The following EZH2 variants were observed in gnomAD, a reference collection of about 807,000 sequenced individuals.
The protein encoded by EZH2 is histone-lysine N-methyltransferase EZH2.
In EZH2, 18 loss-of-function variants were observed where a neutral mutation model predicts 98.4. That is an observed-to-expected ratio of 0.18 (90% confidence interval 0.13 to 0.27). The LOEUF (loss-of-function observed/expected upper bound fraction) is 0.27, where lower values mean the gene tolerates loss of function less well. Ranked by LOEUF, EZH2 falls within the 10% of genes least tolerant of loss-of-function variation. The probability of loss-of-function intolerance (pLI) is 1.00; values close to 1 mark genes in which losing one functional copy is unlikely to be tolerated. For synonymous variants in EZH2, 338 were observed against 312.3 expected (o/e 1.08, Z -0.87); for missense variants, 470 against 935.1 (o/e 0.50, Z 6.49).
intron 3 of EZH2, among the ~76,000 whole-genome samples, chr7:148,842,112 A>T (rs1384246075): frequency 1.3e-5 from 2 of 152,204 alleles, no homozygotes; most frequent in African/African-American, 4.8e-5. Flanking sequence ...ACAAGATACA[A>T]AACTCTTACA....
chr7:148,817,452 A>T, intron 10 of EZH2, 61 bp from the exon 11 acceptor site: 1 of 1,533,668 alleles, frequency 6.5e-7, no homozygotes, highest in Non-Finnish European at 8.9e-7. Flanking sequence ...AAGAAGTACA[A>T]TTCAGGGTGT....
At chr7:148,848,662 T>C (rs1814847609) in intron 1 of EZH2, among the ~76,000 whole-genome samples, 1 of 152,176 alleles carries the variant, frequency 6.6e-6, no homozygotes, top group African/African-American at 2.4e-5. Context: ...CTCAAGCATG[T>C]AATAAATATT....
At chr7:148,860,713 C>T (rs1817543465) in intron 1 of EZH2, among the ~76,000 whole-genome samples, 1 of 151,982 alleles carries the variant, frequency 6.6e-6, no homozygotes, top group Non-Finnish European at 1.5e-5. Context: ...TCACTCTGGC[C>T]CTGGCTGAAG....
In EZH2 at chr7:148,835,755, C is replaced by T. The variant is rs534799220; in HGVS notation, c.247-3005G>A. Among the ~76,000 whole-genome samples the T allele has an allele frequency of 1.1e-4, 17 of 152,252 alleles. No homozygotes were observed. The South Asian group carries it at 2.9e-3, about 26-fold the overall frequency. The stretch of plus-strand genomic sequence containing the variant: ...CTTAATGGGGAGTGGGCTGCCTCTC[C>T]GACTGACTTATTCACCTGCTTTAAC... On this transcript the variant is annotated intron_variant, in intron 3 of 19. Transcript: ENST00000320356.
chr7:148,841,992 A>G (rs779554869), intron 3 of EZH2, among the ~76,000 whole-genome samples: 6 of 152,182 alleles, frequency 3.9e-5, no homozygotes, highest in African/African-American at 1.2e-4. Flanking sequence ...TAAAAGTCCA[A>G]AAGTTTTTAA....
intron 1 of EZH2, among the ~76,000 whole-genome samples, chr7:148,848,337 G>A (rs1814748012): frequency 6.6e-6 from 1 of 152,186 alleles, no homozygotes; most frequent in East Asian, 1.9e-4. Context: ...ACACCACACT[G>A]GCGATGACAG....
At chr7:148,824,339 C>T (rs1290996290) in intron 8 of EZH2, among the ~76,000 whole-genome samples, 2 of 150,322 alleles carry the variant, frequency 1.3e-5, no homozygotes, top group Non-Finnish European at 3.0e-5. Context: ...ACAACAACAA[C>T]AACAAAAAAG....
At chr7:148,867,805 G>C (rs1480356213) in intron 1 of EZH2, among the ~76,000 whole-genome samples, 1 of 152,188 alleles carries the variant, frequency 6.6e-6, no homozygotes, top group Non-Finnish European at 1.5e-5. Flanking sequence ...CAGGCTTTTA[G>C]AAGCAGCCAG....
In EZH2 at chr7:148,842,604, C is replaced by T. The variant is rs1449689757; in HGVS notation, c.246+3866G>A. 3.3e-5 allele frequency among the ~76,000 whole-genome samples: 5 copies of T among 152,250 alleles called. No individual in the cohort carries two copies. The South Asian group carries it at 6.2e-4, about 19-fold the overall frequency. On this transcript the variant is annotated intron_variant, in intron 3 of 19. Transcript: ENST00000320356. Reference sequence around the variant, plus strand: ...GCTGGATGCTTCTTTAAAAGATTAACTTAAGAATAAAAGAAATAAACGTAA... The same window carrying T: ...GCTGGATGCTTCTTTAAAAGATTAATTTAAGAATAAAAGAAATAAACGTAA...
intron 3 of EZH2, among the ~76,000 whole-genome samples, chr7:148,835,575 A>C (rs550930230): frequency 6.6e-6 from 1 of 152,208 alleles, no homozygotes; most frequent in African/African-American, 2.4e-5. Context: ...GAATATACTG[A>C]ATATAATTAC....
intron 1 of EZH2, among the ~76,000 whole-genome samples, chr7:148,866,491 A>AATATATATACGT (rs1554422984): frequency 4.1e-5 from 5 of 123,182 alleles, no homozygotes; most frequent in Non-Finnish European, 6.8e-5. Context: ...AACTGTGAAA[A>AATATATATACGT]ATATATATAC....
intron 7 of EZH2, 47 bp downstream of exon 7, chr7:148,827,117 T>C (rs775812220): frequency 2.8e-5 from 41 of 1,448,664 alleles, no homozygotes; most frequent in Non-Finnish European, 5.7e-6. Flanking sequence ...AAATGGTGAG[T>C]TACATACCAT....
intron 1 of EZH2, chr7:148,883,404 C>A (rs1049791312): frequency 6.6e-5 from 10 of 152,526 alleles, no homozygotes; most frequent in Admixed American, 5.9e-4. Flanking sequence ...CCAGACCAGG[C>A]GGCGAGGGCA....
chr7:148,828,594 T>C (rs1808425933), intron 6 of EZH2, 146 bp downstream of exon 6: 4 of 1,085,932 alleles, frequency 3.7e-6, no homozygotes, highest in Admixed American at 5.0e-5. Context: ...GGCCATAATA[T>C]GTTAATTTTG....
intron 1 of EZH2, among the ~76,000 whole-genome samples, chr7:148,854,385 G>A (rs545848002): frequency 2.0e-4 from 30 of 150,194 alleles, no homozygotes; most frequent in South Asian, 1.5e-3. Flanking sequence ...GCAGTGAGCC[G>A]AGATCGTGCC....
At position 148,881,980 on chromosome 7, in the gene EZH2, A is replaced by G. The variant is rs76370249; in HGVS notation, c.-8+2184T>C. ...CACACACACACGCGCGCGCACACAC[A>G]CACACACACACACACACACATATGT... On this transcript the variant is annotated intron_variant, in intron 1 of 19. Coordinates refer to ENST00000320356, the MANE Select transcript of EZH2 (RefSeq NM_004456.5). 6.7e-3 allele frequency among the ~76,000 whole-genome samples: 723 copies of G among 107,856 alleles called. 6 individuals carry two copies. Among genetic ancestry groups the G allele is most frequent in the Middle Eastern group, 0.016 (3 of 184 alleles). 70.8% of individuals were successfully genotyped at this position (107,856 alleles called of 152,430 possible).
chr7:148,813,757 G>C (rs1005608260), intron 15 of EZH2, among the ~76,000 whole-genome samples: 1 of 152,050 alleles, frequency 6.6e-6, no homozygotes, highest in South Asian at 2.1e-4. Flanking sequence ...CCTACTATCA[G>C]AGTATGGTGC....
chr7:148,814,527 A>G (rs942245203), intron 14 of EZH2, among the ~76,000 whole-genome samples: 5 of 152,182 alleles, frequency 3.3e-5, no homozygotes, highest in Non-Finnish European at 5.9e-5. Flanking sequence ...TTTATGCTAC[A>G]TTCCTTTAAT....
At chr7:148,883,914 C>G (rs1370431258) in intron 1 of EZH2, 1 of 152,580 alleles carries the variant, frequency 6.6e-6, no homozygotes, top group Non-Finnish European at 1.5e-5. Flanking sequence ...CCCCGCAGCT[C>G]CAGGGGTGTG....
Sources: allele counts gnomAD v4.1 joint callset (sites outside exome capture counted in the v4.1 genomes callset), GRCh38; gene constraint gnomAD v4.1.1; transcripts MANE v1.5; gene names NCBI Gene and HGNC (gene_info 2026-07-23, HGNC 2026-07-21).